The following SYNE1 variants were observed in gnomAD, a reference collection of about 807,000 sequenced individuals.
The protein encoded by SYNE1 is spectrin repeat containing nuclear envelope protein 1, also known as nesprin-1.
SYNE1 carries 616 observed loss-of-function variants against 1,111.0 expected under a neutral mutation model. The ratio of observed to expected loss-of-function variants is 0.55; its 90% CI spans 0.52 to 0.59. SYNE1 has a LOEUF of 0.59. Among genes scored for constraint, SYNE1 ranks in the 20% least tolerant of loss-of-function variants. The pLI is 0.00. For synonymous variants in SYNE1, 3,855 were observed against 3,825.8 expected (o/e 1.01, Z -0.28); for missense variants, 10,006 against 10,417.0 (o/e 0.96, Z 1.72).
At chr6:152,134,584 G>A (rs562130963) in intron 142 of SYNE1, 1 of 166,478 alleles carries the variant, frequency 6.0e-6, no homozygotes, top group East Asian at 1.8e-4. Flanking sequence ...CAGGAGAATT[G>A]GCAGGAGAAT....
Position 152,293,943 on chromosome 6 carries a change from C to T in SYNE1, c.17850+17G>A. The T allele has an allele frequency of 6.2e-7, 1 of 1,613,994 alleles. No individual in the cohort carries two copies. Among genetic ancestry groups the T allele is most frequent in the Non-Finnish European group, 8.5e-7 (1 of 1,180,004 alleles). Reference sequence around the variant, plus strand: ...TGGTGTCTGGTGGGCATAAACTAGTCCACCTTGAAGACTTACCACATTCTT... The same window carrying T: ...TGGTGTCTGGTGGGCATAAACTAGTTCACCTTGAAGACTTACCACATTCTT... On this transcript the variant is annotated intron_variant, in intron 94 of 145. Transcript: ENST00000367255.
intron 3 of SYNE1, chr6:152,546,956 T>C (rs1564776711): frequency 6.6e-6 from 1 of 151,694 alleles, no homozygotes; most frequent in Non-Finnish European, 1.5e-5. Flanking sequence ...AAAATACAGC[T>C]AAAAGAAAAG....
chr6:152,509,344 C>G (rs1446567306), intron 8 of SYNE1, among the ~76,000 whole-genome samples: 1 of 151,064 alleles, frequency 6.6e-6, no homozygotes, highest in Non-Finnish European at 1.5e-5. Flanking sequence ...GCAACCTCCA[C>G]CTCCCAGGTT....
chr6:152,326,977 GT>G (rs1164712879), intron 78 of SYNE1, among the ~76,000 whole-genome samples: 1 of 152,206 alleles, frequency 6.6e-6, no homozygotes, highest in African/African-American at 2.4e-5. Context: ...TCAAAGTGCA[GT>G]AATGTCTCCG....
intron 50 of SYNE1, 93 bp from the exon 51 acceptor site, chr6:152,395,764 A>C: frequency 7.5e-7 from 1 of 1,328,478 alleles, no homozygotes; most frequent in Non-Finnish European, 1.1e-6. Flanking sequence ...TTTAAATGGC[A>C]ATTAAGACCT....
intron 56 of SYNE1, among the ~76,000 whole-genome samples, chr6:152,377,661 ATATATATAT>A (rs1451399046): frequency 7.5e-6 from 1 of 133,316 alleles, no homozygotes; most frequent in Non-Finnish European, 1.6e-5. Context: ...ATATATATAT[ATATATATAT>A]ATCTCCAAAA....
intron 6 of SYNE1, among the ~76,000 whole-genome samples, chr6:152,518,407 A>AC (rs1242874950): frequency 6.6e-6 from 1 of 151,754 alleles, no homozygotes; most frequent in Non-Finnish European, 1.5e-5. Flanking sequence ...TTCTCGTAAG[A>AC]CGTGGTTGTT....
In SYNE1 at chr6:152,450,741, T is replaced by C; in HGVS notation, c.3279A>G (p.Pro1093=). ...GACAGGTTCCAGGTGTGTCCCTTAC[T>C]GGGTCCCGCACTGGGAGTTTCACAC... ...ELCVKLPVRD[P]VRDTPGTCHV... The change falls in exon 27 of 146, where the codon CCA becomes CCG. Residue 1093 remains proline (P), a synonymous_variant. Transcript: ENST00000367255. 6.2e-7 allele frequency: 1 copy of C among 1,614,120 alleles called. No homozygotes were observed. Among genetic ancestry groups the C allele is most frequent in the Non-Finnish European group, 8.5e-7 (1 of 1,180,012 alleles).
At chr6:152,583,748 A>G (rs2099528061) in intron 3 of SYNE1, among the ~76,000 whole-genome samples, 1 of 152,226 alleles carries the variant, frequency 6.6e-6, no homozygotes, top group South Asian at 2.1e-4. Context: ...ACATTGGAAG[A>G]GAGCACTATG....
chr6:152,154,800 G>T, intron 133 of SYNE1, 92 bp downstream of exon 133: 1 of 1,411,644 alleles, frequency 7.1e-7, no homozygotes, highest in Non-Finnish European at 1.0e-6. Context: ...GATAACATGT[G>T]GTGAACAGCT....
intron 64 of SYNE1, among the ~76,000 whole-genome samples, chr6:152,361,662 C>G (rs913547126): frequency 2.0e-5 from 3 of 152,264 alleles, no homozygotes; most frequent in Admixed American, 2.0e-4. Flanking sequence ...GACCGATGAT[C>G]ATGCCCTGGA....
chr6:152,244,138 TTTGA>T lies in SYNE1; in HGVS notation c.19692+395_19692+398del, dbSNP rs774349969. Among the ~76,000 whole-genome samples the T allele has an allele frequency of 1.4e-4, 22 of 152,222 alleles. 1 individual carries two copies. Among genetic ancestry groups the T allele is most frequent in the Admixed American group, 1.2e-3 (19 of 15,276 alleles). On this transcript the variant is annotated intron_variant, in intron 106 of 145. Coordinates refer to ENST00000367255, the MANE Select transcript of SYNE1 (RefSeq NM_182961.4). ...AAAAACACTTTCTACAAAGTATTAC[TTTGA>T]TTATTTGCTTTTTAAAATAGTATTT...
At chr6:152,323,952 T>C (rs1161564051) in intron 81 of SYNE1, among the ~76,000 whole-genome samples, 1 of 151,994 alleles carries the variant, frequency 6.6e-6, no homozygotes, top group African/African-American at 2.4e-5. Flanking sequence ...CTCAAAATAA[T>C]ATTAGGACAA....
intron 3 of SYNE1, among the ~76,000 whole-genome samples, chr6:152,542,501 C>T (rs1419422567): frequency 1.3e-5 from 2 of 151,962 alleles, no homozygotes; most frequent in African/African-American, 4.8e-5. Flanking sequence ...TTATATATTA[C>T]ATGTAATATT....
At position 152,417,496 on chromosome 6, in the gene SYNE1, T is replaced by TCAAA. The variant is rs541192012; in HGVS notation, c.5422-485_5422-482dup. ...CTGGGAAACAGTGTAAAACTCCGTCTCAAACAAACAAACAAACAAACAAAC... is the reference window on the plus strand; with the variant it reads ...CTGGGAAACAGTGTAAAACTCCGTCTCAAACAAACAAACAAACAAACAAACAAAC... On this transcript the variant is annotated intron_variant, in intron 40 of 145. Transcript: ENST00000367255. Among the ~76,000 whole-genome samples, 569 of 131,252 alleles carry TCAAA rather than the reference T, an allele frequency of 4.3e-3. 1 individual carries two copies. Among genetic ancestry groups the TCAAA allele is most frequent in the Admixed American group, 0.011 (144 of 13,526 alleles). The allele number at this position is 131,252 out of a possible 152,430, so 86.1% of individuals were successfully genotyped here.
chr6:152,438,105 T>C (rs1463393301), intron 32 of SYNE1, among the ~76,000 whole-genome samples: 4 of 152,148 alleles, frequency 2.6e-5, no homozygotes, highest in Admixed American at 1.3e-4. Flanking sequence ...CCTTATGGCA[T>C]AGAGATTTAT....
intron 131 of SYNE1, among the ~76,000 whole-genome samples, chr6:152,160,421 T>A (rs1042811889): frequency 1.2e-4 from 19 of 152,202 alleles, no homozygotes; most frequent in Admixed American, 1.0e-3. Flanking sequence ...CCTGCTCCCA[T>A]CTGGACAGGT....
intron 142 of SYNE1, 112 bp from the exon 143 acceptor site, chr6:152,133,600 C>T: frequency 9.5e-7 from 1 of 1,057,772 alleles, no homozygotes. Context: ...ACCTGAGCAT[C>T]AAACGTGGAG....
intron 3 of SYNE1, among the ~76,000 whole-genome samples, chr6:152,627,399 TC>T (rs1467019199): frequency 6.6e-6 from 1 of 151,578 alleles, no homozygotes; most frequent in African/African-American, 2.4e-5. Flanking sequence ...ATGCCTGTAA[TC>T]CCAGGACTTT....
Sources: allele counts gnomAD v4.1 joint callset (sites outside exome capture counted in the v4.1 genomes callset), GRCh38; gene constraint gnomAD v4.1.1; transcripts MANE v1.5; gene names NCBI Gene and HGNC (gene_info 2026-07-23, HGNC 2026-07-21).